Variants in SRPK2 observed in about 807,000 individuals in gnomAD.
The protein encoded by SRPK2 is SFRS protein kinase 2.
A neutral mutation model predicts 90.8 loss-of-function variants in SRPK2; 21 were observed. That is an observed-to-expected ratio of 0.23 (90% confidence interval 0.16 to 0.33). SRPK2 has a LOEUF of 0.33. Among genes scored for constraint, SRPK2 ranks in the 10% least tolerant of loss-of-function variants. The probability of loss-of-function intolerance (pLI) is 1.00; values close to 1 mark genes in which losing one functional copy is unlikely to be tolerated. For missense variants in SRPK2, 620 were observed against 869.0 expected (o/e 0.71, Z 3.60); for synonymous variants, 288 against 311.1 (o/e 0.93, Z 0.78).
chr7:105,191,767 T>G (rs1408755157), intron 3 of SRPK2, among the ~76,000 whole-genome samples: 1 of 151,892 alleles, frequency 6.6e-6, no homozygotes, highest in Admixed American at 6.6e-5. Context: ...GTATCTTCTC[T>G]CTCTTTAATG....
chr7:105,331,329 A>AAAAAC (rs1814350358), intron 2 of SRPK2, among the ~76,000 whole-genome samples: 3 of 145,352 alleles, frequency 2.1e-5, no homozygotes, highest in Non-Finnish European at 4.5e-5. Flanking sequence ...AAAAAAAAAA[A>AAAAAC]AAAAAAAACA....
At chr7:105,191,727 C>A (rs1794304494) in intron 3 of SRPK2, among the ~76,000 whole-genome samples, 1 of 151,998 alleles carries the variant, frequency 6.6e-6, no homozygotes, top group Non-Finnish European at 1.5e-5. Flanking sequence ...ACGGTACCTC[C>A]ATAACATTGT....
intron 3 of SRPK2, among the ~76,000 whole-genome samples, chr7:105,193,143 T>C (rs1406112282): frequency 6.6e-6 from 1 of 152,190 alleles, no homozygotes; most frequent in Non-Finnish European, 1.5e-5. Context: ...ATTTTTCCGA[T>C]GTTACCTTCT....
rs184657919 is a variant in SRPK2, at chr7:105,357,466, A to T, written c.71+31182T>A. ...AAATAGAGATGACCTGCTATAAACA[A>T]TAAATATCTCTTCACTATTTCTAGA... On this transcript the variant is annotated intron_variant, in intron 2 of 15. Coordinates refer to ENST00000393651, the MANE Select transcript of SRPK2 (RefSeq NM_182692.3). Among the ~76,000 whole-genome samples the T allele has an allele frequency of 4.7e-3, 713 of 152,284 alleles. 12 individuals carry two copies. Among genetic ancestry groups the T allele is most frequent in the Non-Finnish European group, 4.5e-3 (308 of 68,028 alleles).
In SRPK2 at chr7:105,298,737, C is replaced by T. The variant is rs1810165489; in HGVS notation, c.71+89911G>A. On this transcript the variant is annotated intron_variant, in intron 2 of 15. Transcript: ENST00000393651. Reference sequence around the variant, plus strand: ...CCATCCCTCCTCAGCTGATGCCTCACGTTAGCAGTAGGAGACAGCAGAGGC... The same window carrying T: ...CCATCCCTCCTCAGCTGATGCCTCATGTTAGCAGTAGGAGACAGCAGAGGC... The T allele has an allele frequency of 6.1e-6, 6 of 985,454 alleles. No individual in the cohort carries two copies. The South Asian group carries it at 2.3e-4, about 39-fold the overall frequency. The allele number at this position is 985,454 out of a possible 1,614,324, so 61.0% of individuals were successfully genotyped here.
At chr7:105,146,146 T>C (rs2074753) in intron 8 of SRPK2, among the ~76,000 whole-genome samples, 62,735 of 152,008 alleles carry the variant, frequency 0.41, 14,849 homozygotes, top group Non-Finnish European at 0.53. Flanking sequence ...GTACACAAAA[T>C]TGAAGCCAGA....
chr7:105,242,133 T>TA (rs762564159), intron 2 of SRPK2, among the ~76,000 whole-genome samples: 42 of 152,354 alleles, frequency 2.8e-4, no homozygotes, highest in Middle Eastern at 3.4e-3. Context: ...ATAAAATGAA[T>TA]ATGATATCAA....
Position 105,162,421 on chromosome 7 carries a change from T to C in SRPK2, c.515-1808A>G, listed in dbSNP as rs1807816400. On this transcript the variant is annotated intron_variant, in intron 6 of 15. Coordinates refer to ENST00000393651, the MANE Select transcript of SRPK2 (RefSeq NM_182692.3). ...CCAATTTCATTATATATTCATGTCATTCATACAGGAAGATTACAAATGGCT... is the reference window on the plus strand; with the variant it reads ...CCAATTTCATTATATATTCATGTCACTCATACAGGAAGATTACAAATGGCT... Among the ~76,000 whole-genome samples, 4 of 152,288 alleles carry C rather than the reference T, an allele frequency of 2.6e-5. 1 individual carries two copies. The South Asian group carries it at 6.2e-4, about 24-fold the overall frequency.
chr7:105,148,032 G>A (rs755953882), intron 7 of SRPK2, among the ~76,000 whole-genome samples: 5 of 152,244 alleles, frequency 3.3e-5, no homozygotes, highest in East Asian at 3.9e-4. Flanking sequence ...AGGAGTTACC[G>A]TACTTAGGTC....
At chr7:105,130,736 A>C (rs933603397) in intron 13 of SRPK2, among the ~76,000 whole-genome samples, 1 of 151,914 alleles carries the variant, frequency 6.6e-6, no homozygotes, top group Admixed American at 6.5e-5. Context: ...AGGAGGAACA[A>C]AAGAAACCTC....
chr7:105,279,975 T>C (rs1807043639), intron 2 of SRPK2, among the ~76,000 whole-genome samples: 2 of 152,232 alleles, frequency 1.3e-5, no homozygotes, highest in Non-Finnish European at 1.5e-5. Context: ...TTTATTTTAC[T>C]GATAAAATAC....
intron 2 of SRPK2, among the ~76,000 whole-genome samples, chr7:105,291,470 T>A (rs531591039): frequency 1.3e-4 from 20 of 152,280 alleles, no homozygotes; most frequent in African/African-American, 4.6e-4. Flanking sequence ...GGCTCACACC[T>A]GTAATCCCAG....
At chr7:105,170,273 T>C (rs558708880) in intron 3 of SRPK2, among the ~76,000 whole-genome samples, 1 of 152,324 alleles carries the variant, frequency 6.6e-6, no homozygotes, top group South Asian at 2.1e-4. Context: ...TAATTCTGCA[T>C]ACATTAATGG....
At position 105,143,015 on chromosome 7, in the gene SRPK2, T is replaced by C. The variant is rs567706374; in HGVS notation, c.1060+69A>G. ...CAGCAGCACAAATCAGCCCCCATGT[T>C]GACCTGGCAGAACCCTACTAATGGA... On this transcript the variant is annotated intron_variant, in intron 10 of 15. Transcript: ENST00000393651. 2.3e-4 allele frequency: 351 copies of C among 1,552,156 alleles called. 5 individuals carry two copies. In the East Asian group the frequency reaches 7.9e-3, roughly 35 times the overall value.
chr7:105,318,495 G>A (rs1251700583), intron 2 of SRPK2, among the ~76,000 whole-genome samples: 1 of 152,162 alleles, frequency 6.6e-6, no homozygotes, highest in Non-Finnish European at 1.5e-5. Context: ...TGCATTAAAA[G>A]GCTCTTTGGG....
chr7:105,129,325 A>C (rs1801655526), intron 13 of SRPK2, among the ~76,000 whole-genome samples: 1 of 152,178 alleles, frequency 6.6e-6, no homozygotes, highest in Non-Finnish European at 1.5e-5. Flanking sequence ...AGATTCTCTT[A>C]ACAATACAAC....
chr7:105,170,796 G>A (rs1355970335), intron 3 of SRPK2, among the ~76,000 whole-genome samples: 1 of 93,156 alleles, frequency 1.1e-5, no homozygotes, highest in African/African-American at 4.1e-5. Flanking sequence ...AGGGAGGGAG[G>A]GAGGGAGGGA....
chr7:105,336,568 C>T (rs1815115625), intron 2 of SRPK2, among the ~76,000 whole-genome samples: 1 of 152,154 alleles, frequency 6.6e-6, no homozygotes, highest in South Asian at 2.1e-4. Flanking sequence ...GTTCTCATTA[C>T]ATTTGTTGTT....
chr7:105,152,074 T>C (rs1455123266), intron 7 of SRPK2, among the ~76,000 whole-genome samples: 1 of 151,592 alleles, frequency 6.6e-6, no homozygotes, highest in Admixed American at 6.6e-5. Context: ...CCATTTCTAA[T>C]ATAAAAGGAC....
Sources: allele counts gnomAD v4.1 joint callset (sites outside exome capture counted in the v4.1 genomes callset), GRCh38; gene constraint gnomAD v4.1.1; transcripts MANE v1.5; gene names NCBI Gene and HGNC (gene_info 2026-07-23, HGNC 2026-07-21).